The following RSBN1L variants were observed in gnomAD, a reference collection of about 807,000 sequenced individuals.
The protein encoded by RSBN1L is round spermatid basic protein 1 like.
In RSBN1L, 30 loss-of-function variants were observed where a neutral mutation model predicts 67.7. The ratio of observed to expected loss-of-function variants is 0.44; its 90% CI spans 0.33 to 0.60. RSBN1L has a LOEUF of 0.60. Among genes scored for constraint, RSBN1L ranks in the 20% least tolerant of loss-of-function variants. The pLI is 0.02. For missense variants in RSBN1L, 992 were observed against 1,031.7 expected, an observed-to-expected ratio of 0.96 and a Z score of 0.53; for synonymous variants, 433 against 387.0, an observed-to-expected ratio of 1.12 and a Z score of -1.39.
Position 77,780,480 on chromosome 7 carries a change from T to A in RSBN1L, c.*1312T>A, listed in dbSNP as rs1382400534. 6.6e-6 allele frequency: 1 copy of A among 152,176 alleles called. No individual in the cohort carries two copies. Among genetic ancestry groups the A allele is most frequent in the Admixed American group, 6.5e-5 (1 of 15,280 alleles). 9.4% of individuals were successfully genotyped at this position (152,176 alleles called of 1,614,324 possible). On this transcript the variant is annotated 3_prime_UTR_variant, in exon 8 of 8. Transcript: ENST00000334955. The stretch of plus-strand genomic sequence containing the variant: ...ATGGGATGATAAGAAGTTTAGAGAA[T>A]TTTCTTACTAGTAAGTACCTTTACT...
At chr7:77,763,969 A>G (rs760166628) in intron 3 of RSBN1L, among the ~76,000 whole-genome samples, 2 of 152,260 alleles carry the variant, frequency 1.3e-5, no homozygotes, top group Non-Finnish European at 2.9e-5. Flanking sequence ...GCTGATTATA[A>G]TAACAAATGA....
intron 6 of RSBN1L, among the ~76,000 whole-genome samples, chr7:77,775,273 G>A (rs1172789174): frequency 6.6e-6 from 1 of 152,150 alleles, no homozygotes; most frequent in Non-Finnish European, 1.5e-5. Context: ...AGTGGCTCAT[G>A]CTAGTAATCC....
At chr7:77,733,159 G>T (rs1414183445) in intron 1 of RSBN1L, among the ~76,000 whole-genome samples, 1 of 152,134 alleles carries the variant, frequency 6.6e-6, no homozygotes, top group Non-Finnish European at 1.5e-5. Context: ...TAAAAGACTG[G>T]ATTTTGAAAA....
rs1042322850 is a variant in RSBN1L at position 77,778,459 on chromosome 7, C to T, written c.1902+13C>T. Reference sequence around the variant, plus strand: ...TCCACTGTCCCAGGTATTTTTAATACACTTACTGTCTTTGGTTTAGTTTTT... The same window carrying T: ...TCCACTGTCCCAGGTATTTTTAATATACTTACTGTCTTTGGTTTAGTTTTT... On this transcript the variant is annotated intron_variant, in intron 7 of 7. Transcript: ENST00000334955. The T allele has an allele frequency of 6.3e-7, 1 of 1,597,452 alleles. No homozygotes were observed. The highest frequency in any genetic ancestry group is 1.7e-5 in the Admixed American group (1 of 57,192).
intron 1 of RSBN1L, among the ~76,000 whole-genome samples, chr7:77,721,613 G>A (rs540849361): frequency 1.1e-4 from 16 of 152,292 alleles, no homozygotes; most frequent in Admixed American, 5.9e-4. Flanking sequence ...ATGGGCAATC[G>A]CATTTTAGCT....
intron 1 of RSBN1L, among the ~76,000 whole-genome samples, chr7:77,708,750 G>A (rs557573594): frequency 6.6e-6 from 1 of 152,200 alleles, no homozygotes; most frequent in East Asian, 1.9e-4. Flanking sequence ...TATTCAAATT[G>A]GTATTTTAGC....
intron 3 of RSBN1L, among the ~76,000 whole-genome samples, chr7:77,752,620 T>C (rs1469778827): frequency 1.3e-5 from 2 of 152,186 alleles, no homozygotes; most frequent in Admixed American, 6.5e-5. Context: ...GAAGTGTCCC[T>C]CCAGGAGTTG....
In RSBN1L at chr7:77,776,353, A is replaced by G. The variant is rs543529729; in HGVS notation, c.1794-1985A>G. 7.9e-5 allele frequency among the ~76,000 whole-genome samples: 12 copies of G among 152,334 alleles called. No homozygotes were observed. In the South Asian group the frequency reaches 1.7e-3, roughly 21 times the overall value. On this transcript the variant is annotated intron_variant, in intron 6 of 7. Coordinates refer to ENST00000334955, the MANE Select transcript of RSBN1L (RefSeq NM_198467.3). ...AGTATATTCACAGAGTTATGCAACC[A>G]CCACCAAAACGATAGAACATTTTCA...
chr7:77,778,652 C>G lies in RSBN1L; in HGVS notation c.2025C>G (p.Phe675Leu). Reference sequence around the variant, plus strand: ...TTCCAAGGAATGTTGTTCATCAGTTCAAGACAGTTTCAGCTGTATGCAGTT... The same window carrying G: ...TTCCAAGGAATGTTGTTCATCAGTTGAAGACAGTTTCAGCTGTATGCAGTT... ...YFIPRNVVHQ[F>L]KTVSAVCSLA... The change falls in exon 8 of 8, where the codon TTC becomes TTG. Residue 675 changes from phenylalanine (F) to leucine (L), a missense_variant. Physicochemically the swap from Phe to Leu is conservative, Grantham distance 22 (BLOSUM62 0). This residue lies in a region of RSBN1L where 55 missense variants were observed against 112.8 expected (regional missense o/e 0.49). Coordinates refer to ENST00000334955, the MANE Select transcript of RSBN1L (RefSeq NM_198467.3). The G allele has an allele frequency of 6.2e-7, 1 of 1,614,020 alleles. No homozygotes were observed. Among genetic ancestry groups the G allele is most frequent in the Non-Finnish European group, 8.5e-7 (1 of 1,179,974 alleles).
Position 77,774,959 on chromosome 7 carries a change from TCAAG to T in RSBN1L, c.1793+1651_1793+1654del, listed in dbSNP as rs570703712. The stretch of plus-strand genomic sequence containing the variant: ...TCACAGCAGCCTTGACCACCCATCT[TCAAG>T]CAAGCCTCCTGCCTCAGCCTCCTGA... On this transcript the variant is annotated intron_variant, in intron 6 of 7. Transcript: ENST00000334955. 9.9e-5 allele frequency among the ~76,000 whole-genome samples: 15 copies of T among 152,270 alleles called. No homozygotes were observed. In the East Asian group the frequency reaches 2.9e-3, roughly 29 times the overall value.
In RSBN1L at chr7:77,697,114, C is replaced by G. The variant is rs888255227; in HGVS notation, c.586+59C>G. ...GCCGTGGGTCCCCGCCGCCCCCTGG[C>G]GCCCACGGGGCCCGGGAAGGGGGAG... On this transcript the variant is annotated intron_variant, in intron 1 of 7. Transcript: ENST00000334955. 7.7e-6 allele frequency: 10 copies of G among 1,303,160 alleles called. No homozygotes were observed. The African/African-American group carries it at 1.4e-4, about 18-fold the overall frequency. The allele number at this position is 1,303,160 out of a possible 1,614,324, so 80.7% of individuals were successfully genotyped here. A position where few individuals can be genotyped will look rare whatever the true frequency, so the allele number is the denominator to read the frequency against.
chr7:77,708,596 A>G (rs528030810), intron 1 of RSBN1L, among the ~76,000 whole-genome samples: 7 of 152,032 alleles, frequency 4.6e-5, no homozygotes, highest in Admixed American at 3.9e-4. Context: ...GTTAGCCAGG[A>G]TGGTCTCGAT....
intron 2 of RSBN1L, among the ~76,000 whole-genome samples, chr7:77,747,589 C>T (rs572615970): frequency 6.6e-5 from 10 of 152,332 alleles, no homozygotes; most frequent in African/African-American, 2.4e-4. Context: ...CCTGCCAGTA[C>T]ACAGAATGCA....
chr7:77,712,433 A>C (rs1185745933), intron 1 of RSBN1L, among the ~76,000 whole-genome samples: 1 of 152,064 alleles, frequency 6.6e-6, no homozygotes, highest in Non-Finnish European at 1.5e-5. Flanking sequence ...GACACGTGCC[A>C]TCATGACTGG....
chr7:77,708,600 T>G (rs1790926494), intron 1 of RSBN1L, among the ~76,000 whole-genome samples: 1 of 152,232 alleles, frequency 6.6e-6, no homozygotes, highest in Admixed American at 6.5e-5. Context: ...GCCAGGATGG[T>G]CTCGATCTCC....
intron 2 of RSBN1L, among the ~76,000 whole-genome samples, chr7:77,747,426 C>T (rs1196665462): frequency 6.6e-6 from 1 of 152,180 alleles, no homozygotes; most frequent in South Asian, 2.1e-4. Flanking sequence ...GGGCCAGGCC[C>T]AGGGCCCTGC....
At chr7:77,740,211 TTATTTAGTGGGTCTTA>T (rs1297015335) in intron 2 of RSBN1L, among the ~76,000 whole-genome samples, 5 of 152,250 alleles carry the variant, frequency 3.3e-5, no homozygotes, top group Non-Finnish European at 7.3e-5. Context: ...GAAACAAAGC[TTATTTAGTGGGTCTTA>T]TTTTATACTA....
At chr7:77,709,306 T>A (rs1208836557) in intron 1 of RSBN1L, among the ~76,000 whole-genome samples, 5 of 152,100 alleles carry the variant, frequency 3.3e-5, no homozygotes, top group Non-Finnish European at 1.5e-5. Context: ...TTCTTTTTTT[T>A]TGAGACAGAG....
intron 3 of RSBN1L, among the ~76,000 whole-genome samples, chr7:77,764,455 A>G (rs967642765): frequency 2.0e-5 from 3 of 152,180 alleles, no homozygotes; most frequent in African/African-American, 4.8e-5. Context: ...ATTTGCTAGC[A>G]TTATGGCAGG....
Sources: gnomAD v4.1 joint callset for allele counts (sites outside exome capture counted in the v4.1 genomes callset) on GRCh38, gnomAD v4.1.1 for gene constraint, gnomAD v4.1.1 regional missense constraint, MANE v1.5 for transcripts, NCBI Gene and HGNC (gene_info 2026-07-23, HGNC 2026-07-21) for gene names.